PCDH9: variants seen among roughly 807,000 people sequenced by gnomAD.
PCDH9 encodes the protein protocadherin 9, also known as protocadherin-9.
A neutral mutation model predicts 70.6 loss-of-function variants in PCDH9; 24 were observed. The observed-to-expected ratio is 0.34, with a 90% confidence interval of 0.25 to 0.48. PCDH9 has a LOEUF of 0.48. PCDH9 is among the 20% of genes least tolerant of loss of function. The pLI, the probability that PCDH9 is intolerant of heterozygous loss-of-function variation, is 0.99. For missense variants in PCDH9, 1,281 were observed against 1,503.6 expected (o/e 0.85, Z 2.45); for synonymous variants, 562 against 558.5 (o/e 1.01, Z -0.09).
At chr13:66,364,177 A>AT (rs1365584632) in intron 4 of PCDH9, among the ~76,000 whole-genome samples, 1 of 152,132 alleles carries the variant, frequency 6.6e-6, no homozygotes, top group African/African-American at 2.4e-5. Context: ...ACAAAAAAAA[A>AT]GGAAGAAAGA....
chr13:66,662,229 T>C (rs1047308910), intron 3 of PCDH9, among the ~76,000 whole-genome samples: 13 of 151,956 alleles, frequency 8.6e-5, no homozygotes, highest in African/African-American at 2.9e-4. Flanking sequence ...TCCTGGCACT[T>C]TGGGGGGCTG....
chr13:66,930,421 G>C (rs1050332129), intron 2 of PCDH9, among the ~76,000 whole-genome samples: 6 of 152,090 alleles, frequency 3.9e-5, no homozygotes, highest in Non-Finnish European at 8.8e-5. Context: ...AAACTAGAGA[G>C]GATGCTGCTT....
At chr13:66,641,311 A>C (rs547667542) in intron 3 of PCDH9, among the ~76,000 whole-genome samples, 2 of 152,248 alleles carry the variant, frequency 1.3e-5, no homozygotes, top group Non-Finnish European at 2.9e-5. Context: ...AGACAGCCAT[A>C]TAACTATTAA....
chr13:66,311,896 G>A (rs1479524351), intron 4 of PCDH9, among the ~76,000 whole-genome samples: 2 of 152,140 alleles, frequency 1.3e-5, no homozygotes, highest in Non-Finnish European at 2.9e-5. Flanking sequence ...CAGTTATGTG[G>A]ACAGTCCAAA....
intron 3 of PCDH9, among the ~76,000 whole-genome samples, chr13:66,815,421 G>C (rs1451646200): frequency 6.6e-6 from 1 of 152,118 alleles, no homozygotes; most frequent in Admixed American, 6.5e-5. Flanking sequence ...CCGTTATTGG[G>C]TATACACCCA....
At chr13:66,377,044 AT>A (rs1956760684) in intron 4 of PCDH9, among the ~76,000 whole-genome samples, 1 of 152,210 alleles carries the variant, frequency 6.6e-6, no homozygotes, top group Non-Finnish European at 1.5e-5. Context: ...CCTGCACAGA[AT>A]GTAATAGGTA....
intron 2 of PCDH9, among the ~76,000 whole-genome samples, chr13:67,177,568 C>T (rs893762501): frequency 6.6e-6 from 1 of 152,100 alleles, no homozygotes; most frequent in African/African-American, 2.4e-5. Context: ...TCACCCCATT[C>T]CTCTGCCCAT....
chr13:66,384,107 A>G (rs1956889569), intron 4 of PCDH9, among the ~76,000 whole-genome samples: 1 of 152,126 alleles, frequency 6.6e-6, no homozygotes, highest in Non-Finnish European at 1.5e-5. Context: ...CTATTTGTGC[A>G]TCCAGTATGG....
chr13:67,068,997 T>C lies in PCDH9; in HGVS notation c.3036+156408A>G, dbSNP rs575264669. 1.5e-4 allele frequency among the ~76,000 whole-genome samples: 23 copies of C among 152,290 alleles called. No homozygotes were observed. The South Asian group carries it at 4.6e-3, about 30-fold the overall frequency. Reference sequence around the variant, plus strand: ...TCTCTAAACAAAAATCAGTTGCACATAAAACTTGAGTCTTCCTGACATTTT... The same window carrying C: ...TCTCTAAACAAAAATCAGTTGCACACAAAACTTGAGTCTTCCTGACATTTT... On this transcript the variant is annotated intron_variant, in intron 2 of 4. Coordinates refer to ENST00000377865, the MANE Select transcript of PCDH9 (RefSeq NM_203487.3).
At chr13:66,522,837 G>A (rs1960057378) in intron 4 of PCDH9, among the ~76,000 whole-genome samples, 1 of 151,930 alleles carries the variant, frequency 6.6e-6, no homozygotes, top group African/African-American at 2.4e-5. Flanking sequence ...CCCAGAAGTA[G>A]GAGAGAAAAA....
rs57304617 is a variant in PCDH9, at chr13:66,587,793, T to TA, written c.3340+43416dup. 9.5e-4 allele frequency among the ~76,000 whole-genome samples: 138 copies of TA among 145,318 alleles called. 1 individual carries two copies. Among genetic ancestry groups the TA allele is most frequent in the African/African-American group, 3.3e-3 (132 of 39,756 alleles). ...AACAGAAGTGAACTTGCAGGATTAT[T>TA]AAAAAAAAAAAAAAGAAAGTTTTGG... On this transcript the variant is annotated intron_variant, in intron 4 of 4. Coordinates refer to ENST00000377865, the MANE Select transcript of PCDH9 (RefSeq NM_203487.3).
chr13:66,971,484 C>T (rs751678537), intron 2 of PCDH9, among the ~76,000 whole-genome samples: 23 of 152,128 alleles, frequency 1.5e-4, no homozygotes, highest in Non-Finnish European at 2.8e-4. Flanking sequence ...TTTATATTTT[C>T]TCTTTTGCAT....
At chr13:66,502,682 G>A (rs1000592907) in intron 4 of PCDH9, among the ~76,000 whole-genome samples, 3 of 152,058 alleles carry the variant, frequency 2.0e-5, no homozygotes, top group Non-Finnish European at 4.4e-5. Flanking sequence ...TAAAATAGAA[G>A]TGCTCATGAC....
chr13:66,526,337 A>T (rs1960215008), intron 4 of PCDH9, among the ~76,000 whole-genome samples: 1 of 152,116 alleles, frequency 6.6e-6, no homozygotes, highest in African/African-American at 2.4e-5. Flanking sequence ...CGAGAATAAG[A>T]CTATTGAGTC....
chr13:66,879,076 C>T (rs2081874459), intron 3 of PCDH9, among the ~76,000 whole-genome samples: 1 of 152,114 alleles, frequency 6.6e-6, no homozygotes, highest in East Asian at 1.9e-4. Context: ...GTATGCTTCT[C>T]TTATGGAGTA....
rs771295133 is a variant in PCDH9 at position 67,226,719 on chromosome 13, A to G, written c.1722T>C (p.His574=). 3 of 1,614,182 alleles carry G rather than the reference A, an allele frequency of 1.9e-6. No individual in the cohort carries two copies. The highest frequency in any genetic ancestry group is 1.1e-5 in the South Asian group (1 of 91,082). ...DENDNSPKFT[H]NHFQFFVSEN... ...CAGACACAAAAAATTGAAAATGATT[A>G]TGAGTAAACTTGGGGCTATTGTCAT... is the stretch of plus-strand genomic sequence containing the variant. The change falls in exon 2 of 5, where the codon CAT becomes CAC. Residue 574 remains histidine (H), a synonymous_variant. Coordinates refer to ENST00000377865, the MANE Select transcript of PCDH9 (RefSeq NM_203487.3). This position sits in a 1 kb window ranked among gnomAD's most constrained non-coding sequence, Gnocchi z 5.0.
intron 4 of PCDH9, among the ~76,000 whole-genome samples, chr13:66,399,333 A>G (rs1957151539): frequency 6.6e-6 from 1 of 152,110 alleles, no homozygotes; most frequent in East Asian, 1.9e-4. Flanking sequence ...AACTTCTGAA[A>G]TGTGTGTATT....
chr13:66,362,900 G>T (rs1269099249), intron 4 of PCDH9, among the ~76,000 whole-genome samples: 1 of 152,102 alleles, frequency 6.6e-6, no homozygotes, highest in African/African-American at 2.4e-5. Flanking sequence ...AGAAACACAG[G>T]CCAGGCACGG....
chr13:66,538,806 A>T (rs1314323168), intron 4 of PCDH9, among the ~76,000 whole-genome samples: 1 of 152,132 alleles, frequency 6.6e-6, no homozygotes, highest in East Asian at 1.9e-4. Context: ...ACATAAGATG[A>T]AGACCATTAC....
Sources: allele counts gnomAD v4.1 joint callset (sites outside exome capture counted in the v4.1 genomes callset), GRCh38; gene constraint gnomAD v4.1.1; non-coding constraint Gnocchi (gnomAD v3.1); transcripts MANE v1.5; gene names NCBI Gene and HGNC (gene_info 2026-07-23, HGNC 2026-07-21).